The following RIPOR3 variants were observed in gnomAD, a reference collection of about 807,000 sequenced individuals.
RIPOR3 encodes the protein family with sequence similarity 65 member C.
RIPOR3 carries 95 observed loss-of-function variants against 114.3 expected under a neutral mutation model. The ratio of observed to expected loss-of-function variants is 0.83; its 90% confidence interval spans 0.70 to 0.99. RIPOR3 has a LOEUF of 0.99. Among genes scored for constraint, RIPOR3 ranks in the 50% least tolerant of loss-of-function variants. The pLI is 0.00. For missense variants in RIPOR3, 1,252 were observed against 1,266.9 expected (o/e 0.99, Z 0.18); for synonymous variants, 575 against 543.8 (o/e 1.06, Z -0.80).
At chr20:50,662,861 G>A (rs1015395539) in intron 1 of RIPOR3, among the ~76,000 whole-genome samples, 8 of 152,172 alleles carry the variant, frequency 5.3e-5, no homozygotes, top group African/African-American at 1.7e-4. Context: ...TGGGGAGGCC[G>A]AGGCGGGTGG....
chr20:50,679,738 G>A (rs1174012840), intron 1 of RIPOR3, among the ~76,000 whole-genome samples: 2 of 149,804 alleles, frequency 1.3e-5, no homozygotes, highest in Non-Finnish European at 3.0e-5. Context: ...CACTGCACTC[G>A]GGCCTGGGCA....
chr20:50,601,981 C>T lies in RIPOR3; in HGVS notation c.1659+91G>A, dbSNP rs566907555. The T allele has an allele frequency of 3.2e-4, 404 of 1,277,644 alleles. 2 individuals carry two copies. Among genetic ancestry groups the T allele is most frequent in the South Asian group, 3.1e-3 (196 of 63,538 alleles). The allele number at this position is 1,277,644 out of a possible 1,614,324, so 79.1% of individuals were successfully genotyped here. A position where few individuals can be genotyped will look rare whatever the true frequency, so the allele number is the denominator to read the frequency against. On this transcript the variant is annotated intron_variant, in intron 13 of 21. Coordinates refer to ENST00000327979, the MANE Select transcript of RIPOR3 (RefSeq NM_001290268.2). ...TCACGCAGAGGTGAGGCCAGGATGT[C>T]GGCCCAGGCTGCGTGGCCCCAGAGC...
intron 1 of RIPOR3, among the ~76,000 whole-genome samples, chr20:50,666,588 G>T (rs982999294): frequency 2.0e-5 from 3 of 149,024 alleles, no homozygotes; most frequent in Non-Finnish European, 4.4e-5. Context: ...TTTTTGAGAC[G>T]GCGTCTCACT....
chr20:50,620,071 C>A lies in RIPOR3; in HGVS notation c.184G>T (p.Gly62Cys). ...RMPAKSSKMY[G>C]TLRKGSVCAD... ...CAGACCGACCCCTTCCGCAGCGTGCCGTACATCTTGGAGGATTTTGCAGGC... is the reference window on the plus strand; with the variant it reads ...CAGACCGACCCCTTCCGCAGCGTGCAGTACATCTTGGAGGATTTTGCAGGC... Residue 62 changes from glycine (G) to cysteine (C), a missense_variant, in exon 3 of 22, where the codon GGC (glycine) becomes TGC (cysteine). Transcript: ENST00000327979. 1 of 1,614,172 alleles carries A rather than the reference C, an allele frequency of 6.2e-7. No individual in the cohort carries two copies. Among genetic ancestry groups the A allele is most frequent in the Non-Finnish European group, 8.5e-7 (1 of 1,180,028 alleles).
chr20:50,665,101 C>T (rs2086137495), intron 1 of RIPOR3, among the ~76,000 whole-genome samples: 1 of 151,590 alleles, frequency 6.6e-6, no homozygotes, highest in African/African-American at 2.4e-5. Context: ...GACCCTGTCT[C>T]AAAAATAAAA....
intron 2 of RIPOR3, among the ~76,000 whole-genome samples, chr20:50,629,102 GC>G (rs2084728787): frequency 6.6e-6 from 1 of 152,194 alleles, no homozygotes. Flanking sequence ...ACACACATGT[GC>G]TGAGGCCCTG....
At chr20:50,665,268 C>T (rs1205496595) in intron 1 of RIPOR3, among the ~76,000 whole-genome samples, 1 of 143,182 alleles carries the variant, frequency 7.0e-6, no homozygotes, top group Non-Finnish European at 1.5e-5. Flanking sequence ...AAAACCCTGA[C>T]TCTACTAAAA....
At chr20:50,599,756 C>T (rs1219153615) in intron 13 of RIPOR3, among the ~76,000 whole-genome samples, 1 of 152,106 alleles carries the variant, frequency 6.6e-6, no homozygotes, top group Non-Finnish European at 1.5e-5. Context: ...TGCCCGGCCC[C>T]AAAACCCACT....
intron 17 of RIPOR3, among the ~76,000 whole-genome samples, chr20:50,593,572 CAA>C (rs1220033093): frequency 7.0e-6 from 1 of 142,076 alleles, no homozygotes; most frequent in Non-Finnish European, 1.6e-5. Flanking sequence ...AACCCCATCT[CAA>C]AAAAAAAAAG....
At chr20:50,617,286 G>A (rs1350446084) in intron 3 of RIPOR3, among the ~76,000 whole-genome samples, 1 of 152,154 alleles carries the variant, frequency 6.6e-6, no homozygotes, top group Admixed American at 6.5e-5. Context: ...GATAGCTTCT[G>A]CCAGACTGCT....
chr20:50,618,245 T>C (rs2084253976), intron 3 of RIPOR3, among the ~76,000 whole-genome samples: 1 of 121,696 alleles, frequency 8.2e-6, no homozygotes, highest in Admixed American at 1.1e-4. Flanking sequence ...CACTCCAGCC[T>C]GGGTGACAGA....
intron 1 of RIPOR3, among the ~76,000 whole-genome samples, chr20:50,647,608 A>G (rs1011873110): frequency 6.8e-6 from 1 of 146,186 alleles, no homozygotes. Flanking sequence ...TCAGCCTCCC[A>G]AGTAGCTGGG....
chr20:50,623,052 T>G (rs889102454), intron 2 of RIPOR3, among the ~76,000 whole-genome samples: 2 of 151,680 alleles, frequency 1.3e-5, no homozygotes, highest in African/African-American at 4.8e-5. Context: ...TCAACTGAGG[T>G]CAGGAGTTCA....
Position 50,608,433 on chromosome 20 carries a change from G to T in RIPOR3, c.912C>A (p.Ile304=). 1 of 1,614,024 alleles carries T rather than the reference G, an allele frequency of 6.2e-7. No individual in the cohort carries two copies. Among genetic ancestry groups the T allele is most frequent in the Non-Finnish European group, 8.5e-7 (1 of 1,179,958 alleles). Residue 304 remains isoleucine, a synonymous_variant, in exon 11 of 22, where the codon ATC becomes ATA. Transcript: ENST00000327979. ...GCAGCTTGATGGTACCCAACTCCGT[G>T]ATGTCCACCACGATGACCTGCGGCC... The part of the protein sequence containing the change: ...TTRPQVIVVD[I]TELGTIKLQL...
chr20:50,588,034 T>C (rs1423129917), intron 20 of RIPOR3, 142 bp from the exon 21 acceptor site: 8 of 734,954 alleles, frequency 1.1e-5, no homozygotes, highest in Non-Finnish European at 1.7e-5. Context: ...TCCAGGTTTT[T>C]TAGGTGGCCT....
intron 16 of RIPOR3, 196 bp downstream of exon 16, chr20:50,595,173 T>G: frequency 3.1e-6 from 2 of 655,320 alleles, no homozygotes; most frequent in Non-Finnish European, 2.6e-6. Flanking sequence ...GACTGAAGAG[T>G]GTGCTGCAAC....
At chr20:50,619,751 C>T (rs527659137) in intron 3 of RIPOR3, among the ~76,000 whole-genome samples, 1 of 152,324 alleles carries the variant, frequency 6.6e-6, no homozygotes, top group Admixed American at 6.5e-5. Flanking sequence ...CTCTGCAGTG[C>T]GTGCTCCACA....
intron 1 of RIPOR3, among the ~76,000 whole-genome samples, chr20:50,687,613 T>A (rs893350073): frequency 6.6e-6 from 1 of 152,184 alleles, no homozygotes; most frequent in Non-Finnish European, 1.5e-5. Context: ...TAAATTGTAT[T>A]GACGTAGGCT....
intron 1 of RIPOR3, among the ~76,000 whole-genome samples, chr20:50,639,466 G>A (rs1218629026): frequency 8.5e-5 from 13 of 152,084 alleles, no homozygotes; most frequent in Admixed American, 7.9e-4. Flanking sequence ...ACAGCTCCCC[G>A]GGGGCAGGGC....
Sources: gnomAD v4.1 joint callset for allele counts (sites outside exome capture counted in the v4.1 genomes callset) on GRCh38, gnomAD v4.1.1 for gene constraint, MANE v1.5 for transcripts, NCBI Gene and HGNC (gene_info 2026-07-23, HGNC 2026-07-21) for gene names.